The following SORCS1 variants were observed in gnomAD, a reference collection of about 807,000 sequenced individuals.
SORCS1 encodes sortilin related VPS10 domain containing receptor 1.
SORCS1 carries 60 observed loss-of-function variants against 146.1 expected under a neutral mutation model. That is an observed-to-expected ratio of 0.41 (90% CI 0.33 to 0.51). The LOEUF (loss-of-function observed/expected upper bound fraction) is 0.51, where lower values mean the gene tolerates loss of function less well. Among genes scored for constraint, SORCS1 ranks in the 20% least tolerant of loss-of-function variants. The pLI, the probability that SORCS1 is intolerant of heterozygous loss-of-function variation, is 0.21. For synonymous variants in SORCS1, 637 were observed against 584.0 expected (o/e 1.09, Z -1.31); for missense variants, 1,352 against 1,487.6 (o/e 0.91, Z 1.50).
intron 24 of SORCS1, among the ~76,000 whole-genome samples, chr10:106,582,564 G>A (rs1844985173): frequency 6.6e-6 from 1 of 152,212 alleles, no homozygotes; most frequent in African/African-American, 2.4e-5. Context: ...GTGCATTTGT[G>A]TGTGTTTTGC....
intron 17 of SORCS1, among the ~76,000 whole-genome samples, chr10:106,659,526 C>A (rs1439472960): frequency 1.3e-5 from 2 of 152,122 alleles, no homozygotes; most frequent in Non-Finnish European, 2.9e-5. Flanking sequence ...CCAAGGAATT[C>A]TAATATTGAA....
chr10:107,037,571 T>C (rs1005775706), intron 1 of SORCS1, among the ~76,000 whole-genome samples: 3 of 152,276 alleles, frequency 2.0e-5, no homozygotes, highest in African/African-American at 7.2e-5. Context: ...CTTTCTCATA[T>C]AAAATCAGTT....
At chr10:106,743,764 C>T (rs181772237) in intron 5 of SORCS1, among the ~76,000 whole-genome samples, 3 of 152,100 alleles carry the variant, frequency 2.0e-5, no homozygotes, top group East Asian at 1.9e-4. Context: ...AAAATAACAC[C>T]GCTGTGAAAA....
intron 23 of SORCS1, among the ~76,000 whole-genome samples, chr10:106,598,364 C>T (rs776073584): frequency 6.1e-4 from 93 of 151,688 alleles, no homozygotes; most frequent in African/African-American, 2.1e-3. Context: ...TGGGTTCAAG[C>T]GATTCTCCTG....
chr10:106,833,099 C>G (rs182636660), intron 2 of SORCS1, among the ~76,000 whole-genome samples: 2 of 152,036 alleles, frequency 1.3e-5, no homozygotes, highest in Non-Finnish European at 2.9e-5. Flanking sequence ...TTTACATTAG[C>G]AACATTTTTT....
chr10:106,758,576 T>C (rs1858837196), intron 5 of SORCS1, among the ~76,000 whole-genome samples: 1 of 152,200 alleles, frequency 6.6e-6, no homozygotes, highest in Admixed American at 6.5e-5. Context: ...CAGTCCTTCA[T>C]TTGCTTACTT....
intron 1 of SORCS1, among the ~76,000 whole-genome samples, chr10:107,090,196 A>G (rs1046533551): frequency 6.6e-6 from 1 of 152,170 alleles, no homozygotes; most frequent in Admixed American, 6.5e-5. Context: ...CACTGCGAGC[A>G]CTTTCCCCAG....
chr10:106,949,669 T>C (rs529073009), intron 2 of SORCS1, among the ~76,000 whole-genome samples: 1 of 152,328 alleles, frequency 6.6e-6, no homozygotes, highest in Admixed American at 6.5e-5. Context: ...TCTCCTTAAA[T>C]TGCACTTGCT....
At chr10:106,755,940 C>T (rs1589811649) in intron 5 of SORCS1, among the ~76,000 whole-genome samples, 1 of 151,942 alleles carries the variant, frequency 6.6e-6, no homozygotes, top group African/African-American at 2.4e-5. Context: ...ACCAGCCTGG[C>T]CAACACGGTG....
intron 3 of SORCS1, among the ~76,000 whole-genome samples, chr10:106,812,006 G>A (rs7076443): frequency 0.014 from 2,066 of 151,870 alleles, 56 homozygotes; most frequent in East Asian, 0.12. Flanking sequence ...TTGTTTGTTT[G>A]TTTGTTTGTT....
At chr10:107,035,882 C>A (rs1013125378) in intron 1 of SORCS1, among the ~76,000 whole-genome samples, 3 of 150,256 alleles carry the variant, frequency 2.0e-5, no homozygotes, top group African/African-American at 7.3e-5. Flanking sequence ...CATTTTATAT[C>A]TCAATATTAT....
At chr10:107,069,856 T>C (rs1362732146) in intron 1 of SORCS1, among the ~76,000 whole-genome samples, 1 of 152,256 alleles carries the variant, frequency 6.6e-6, no homozygotes, top group Non-Finnish European at 1.5e-5. Context: ...AATGTTACTA[T>C]GTAAAAGCAT....
At chr10:106,989,429 A>T (rs1956650193) in intron 1 of SORCS1, among the ~76,000 whole-genome samples, 1 of 151,794 alleles carries the variant, frequency 6.6e-6, no homozygotes, top group Admixed American at 6.6e-5. Flanking sequence ...CCTTTTCTCT[A>T]CTAGCCATCT....
At position 107,164,411 on chromosome 10, in the gene SORCS1, G is replaced by C. The variant is rs1278501522; in HGVS notation, c.116C>G (p.Pro39Arg). Residue 39 changes from proline (P) to arginine (R), a missense_variant, in exon 1 of 26, where the codon CCC becomes CGC. Pro to Arg is a moderately radical substitution (Grantham distance 103). Transcript: ENST00000263054. The surrounding 1 kb of genome is among the most constrained non-coding windows in gnomAD (Gnocchi z 6.8). ...PGVCGGGSCC[P>R]SPHPSSAPRS... ...TGGAGCGGAGCTGGGGTGCGGCGAGGGGCAGCAGGAGCCGCCGCCGCAGAC... is the reference window on the plus strand; with the variant it reads ...TGGAGCGGAGCTGGGGTGCGGCGAGCGGCAGCAGGAGCCGCCGCCGCAGAC... The C allele has an allele frequency of 1.1e-5, 16 of 1,415,734 alleles. No homozygotes were observed. In the South Asian group the frequency reaches 2.3e-4, roughly 21 times the overall value. The allele number at this position is 1,415,734 out of a possible 1,614,324, so 87.7% of individuals were successfully genotyped here.
chr10:106,767,549 C>A (rs1216915191), intron 4 of SORCS1, among the ~76,000 whole-genome samples: 1 of 152,068 alleles, frequency 6.6e-6, no homozygotes, highest in Non-Finnish European at 1.5e-5. Flanking sequence ...AGTACAGTGG[C>A]GCCATCTCGG....
intron 1 of SORCS1, among the ~76,000 whole-genome samples, chr10:107,084,568 G>A (rs531827840): frequency 1.3e-4 from 19 of 151,674 alleles, no homozygotes; most frequent in Non-Finnish European, 1.9e-4. Context: ...ATTTTCTGGC[G>A]TAAAAAAAAT....
At chr10:107,116,259 T>G (rs1966030544) in intron 1 of SORCS1, among the ~76,000 whole-genome samples, 1 of 152,136 alleles carries the variant, frequency 6.6e-6, no homozygotes, top group Non-Finnish European at 1.5e-5. Flanking sequence ...AATCTCGCCC[T>G]GGGACTATCT....
chr10:106,935,452 T>C (rs1427437553), intron 2 of SORCS1, among the ~76,000 whole-genome samples: 1 of 152,236 alleles, frequency 6.6e-6, no homozygotes. Flanking sequence ...TGGGTTGACC[T>C]GTCTGGGTCT....
intron 8 of SORCS1, among the ~76,000 whole-genome samples, chr10:106,704,970 C>T (rs1032513097): frequency 6.6e-6 from 1 of 152,160 alleles, no homozygotes; most frequent in Non-Finnish European, 1.5e-5. Context: ...ATGTTCATTT[C>T]TCTGACAGAC....
Sources: gnomAD v4.1 joint callset for allele counts (sites outside exome capture counted in the v4.1 genomes callset) on GRCh38, gnomAD v4.1.1 for gene constraint, Gnocchi (gnomAD v3.1) non-coding constraint, MANE v1.5 for transcripts, NCBI Gene and HGNC (gene_info 2026-07-23, HGNC 2026-07-21) for gene names.